FLRT2: variants seen among roughly 807,000 people sequenced by gnomAD.
FLRT2 encodes the protein fibronectin leucine rich transmembrane protein 2, also known as leucine-rich repeat transmembrane protein FLRT2.
Under a neutral mutation model 40.0 loss-of-function variants are expected in FLRT2, and 15 were observed. The observed-to-expected ratio is 0.38, with a 90% CI of 0.25 to 0.58. FLRT2 has a LOEUF of 0.58. FLRT2 is among the 20% of genes least tolerant of loss of function. The pLI is 0.71. For missense variants in FLRT2, 726 were observed against 840.0 expected, an observed-to-expected ratio of 0.86 and a Z score of 1.68; for synonymous variants, 380 against 336.8, an observed-to-expected ratio of 1.13 and a Z score of -1.41.
chr14:85,603,855 G>C (rs556016039), intron 1 of FLRT2, among the ~76,000 whole-genome samples: 18 of 152,288 alleles, frequency 1.2e-4, no homozygotes, highest in African/African-American at 4.1e-4. Flanking sequence ...GGGCGACAGA[G>C]CGAGACTCAA....
chr14:85,619,703 G>T (rs147451617), intron 1 of FLRT2, among the ~76,000 whole-genome samples: 2 of 152,184 alleles, frequency 1.3e-5, no homozygotes, highest in African/African-American at 4.8e-5. Flanking sequence ...CCATGTATTG[G>T]TGAGAATTAA....
chr14:85,641,165 TG>T lies in FLRT2; in HGVS notation c.*17669del, dbSNP rs1462337953. On this transcript the variant is annotated 3_prime_UTR_variant, in exon 2 of 2. Transcript: ENST00000330753. The stretch of plus-strand genomic sequence containing the variant: ...TAAAAACCTAACAGCCTCCAAAGAC[TG>T]AAGAAGAGAGCATGGTGTTTAATGC... The T allele has an allele frequency of 6.6e-6, 1 of 152,152 alleles. No homozygotes were observed. The highest frequency in any genetic ancestry group is 2.4e-5 in the African/African-American group (1 of 41,434). The allele number at this position is 152,152 out of a possible 1,614,324, so 9.4% of individuals were successfully genotyped here.
At position 85,643,857 on chromosome 14, in the gene FLRT2, C is replaced by T. The variant is rs1221060567; in HGVS notation, c.*20360C>T. On this transcript the variant is annotated 3_prime_UTR_variant, in exon 2 of 2. Transcript: ENST00000330753. ...CAAACGACAACATTTAGTCCAGTTG[C>T]AGCAGAGTGGTTGTGGTTTTTATTA... is the stretch of plus-strand genomic sequence containing the variant. The T allele has an allele frequency of 6.6e-6, 1 of 152,148 alleles. No individual in the cohort carries two copies. Among genetic ancestry groups the T allele is most frequent in the Non-Finnish European group, 1.5e-5 (1 of 68,040 alleles). The allele number at this position is 152,148 out of a possible 1,614,324, so 9.4% of individuals were successfully genotyped here. A position where few individuals can be genotyped will look rare whatever the true frequency, so the allele number is the denominator to read the frequency against.
At position 85,623,964 on chromosome 14, in the gene FLRT2, T is replaced by C. The variant is rs1340473687; in HGVS notation, c.*467T>C. The C allele has an allele frequency of 6.0e-6, 1 of 167,700 alleles. No homozygotes were observed. The highest frequency in any genetic ancestry group is 1.5e-5 in the Non-Finnish European group (1 of 68,554). 10.4% of individuals were successfully genotyped at this position (167,700 alleles called of 1,614,324 possible). On this transcript the variant is annotated 3_prime_UTR_variant, in exon 2 of 2. Coordinates refer to ENST00000330753, the MANE Select transcript of FLRT2 (RefSeq NM_013231.6). ...GCCCGATAGTTTCACACTATTCCTA[T>C]ACCTCCAGGTCCGGAAGACAGGTAA...
chr14:85,538,490 G>C (rs1477395094), intron 1 of FLRT2, among the ~76,000 whole-genome samples: 4 of 152,096 alleles, frequency 2.6e-5, no homozygotes, highest in Non-Finnish European at 2.9e-5. Context: ...TTACTTTTAA[G>C]GGAATGTGCA....
Position 85,649,306 on chromosome 14 carries a change from T to C in FLRT2, c.*25809T>C, listed in dbSNP as rs1894379415. ...TGATTTAATAGCTCATTGAAAGAAC[T>C]AGCCTGAAGCAGATAAAATATGTTG... On this transcript the variant is annotated 3_prime_UTR_variant, in exon 2 of 2. Transcript: ENST00000330753. 1 of 152,126 alleles carries C rather than the reference T, an allele frequency of 6.6e-6. No individual in the cohort carries two copies. The highest frequency in any genetic ancestry group is 2.4e-5 in the African/African-American group (1 of 41,456). The allele number at this position is 152,126 out of a possible 1,614,324, so 9.4% of individuals were successfully genotyped here. A position where few individuals can be genotyped will look rare whatever the true frequency, so the allele number is the denominator to read the frequency against.
intron 1 of FLRT2, among the ~76,000 whole-genome samples, chr14:85,535,897 T>G (rs190282527): frequency 0.18 from 11,321 of 63,744 alleles, 192 homozygotes; most frequent in Non-Finnish European, 0.21. Context: ...ATGCTGTTTT[T>G]TTTTTTTTTT....
At position 85,622,701 on chromosome 14, in the gene FLRT2, C is replaced by T. The variant is rs758103555; in HGVS notation, c.1187C>T (p.Thr396Met). 1.5e-5 allele frequency: 25 copies of T among 1,613,956 alleles called. No individual in the cohort carries two copies. The highest frequency in any genetic ancestry group is 2.2e-5 in the East Asian group (1 of 44,874). Residue 396 changes from threonine (T) to methionine (M), a missense_variant, in exon 2 of 2, where the codon ACG becomes ATG. By Grantham distance (81) the Thr-to-Met change is moderately conservative (BLOSUM62 -1). Transcript: ENST00000330753. ...ATTCCAAACCCTAGCAGAAGCTACA[C>T]GCCTCCAACTCCTACCACATCGAAA... Reference protein sequence around the residue: ...LSIPNPSRSYTPPTPTTSKLP... With the variant: ...LSIPNPSRSYMPPTPTTSKLP...
intron 1 of FLRT2, among the ~76,000 whole-genome samples, chr14:85,574,365 C>A (rs1356655111): frequency 2.0e-5 from 3 of 151,814 alleles, no homozygotes; most frequent in Admixed American, 6.6e-5. Context: ...GCATATGTCC[C>A]ACGCAATATT....
chr14:85,581,574 G>C (rs539412779), intron 1 of FLRT2, among the ~76,000 whole-genome samples: 1 of 152,098 alleles, frequency 6.6e-6, no homozygotes, highest in South Asian at 2.1e-4. Flanking sequence ...ATTAATGTTA[G>C]AAGTTGACTC....
chr14:85,612,902 G>A (rs1470864329), intron 1 of FLRT2, among the ~76,000 whole-genome samples: 1 of 152,166 alleles, frequency 6.6e-6, no homozygotes, highest in Admixed American at 6.5e-5. Flanking sequence ...CGACCGAAAT[G>A]TGTATTCCTC....
chr14:85,552,635 C>T (rs1227910880), intron 1 of FLRT2: 1 of 152,160 alleles, frequency 6.6e-6, no homozygotes, highest in Non-Finnish European at 1.5e-5. Flanking sequence ...GTCCCACAGG[C>T]CTCTTCAAAG....
chr14:85,554,949 G>A (rs1170325857), intron 1 of FLRT2, among the ~76,000 whole-genome samples: 1 of 152,160 alleles, frequency 6.6e-6, no homozygotes, highest in Non-Finnish European at 1.5e-5. Context: ...ATGCACTGAT[G>A]TGGATTAAAG....
rs1050689286 is a variant in FLRT2 at position 85,642,710 on chromosome 14, G to A, written c.*19213G>A. The A allele has an allele frequency of 6.6e-6, 1 of 152,146 alleles. No individual in the cohort carries two copies. Among genetic ancestry groups the A allele is most frequent in the South Asian group, 2.1e-4 (1 of 4,822 alleles). 9.4% of individuals were successfully genotyped at this position (152,146 alleles called of 1,614,324 possible). ...TGGGTACATATACTAGAGCCTGCAT[G>A]CAATGAGCTTACCCAACCAGCTCAG... On this transcript the variant is annotated 3_prime_UTR_variant, in exon 2 of 2. Transcript: ENST00000330753.
At chr14:85,587,126 C>T (rs552928635) in intron 1 of FLRT2, among the ~76,000 whole-genome samples, 6 of 152,118 alleles carry the variant, frequency 3.9e-5, no homozygotes, top group Admixed American at 3.9e-4. Context: ...TACCATCAAA[C>T]GAGGAAGCTT....
chr14:85,570,864 C>A (rs6574833), intron 1 of FLRT2, among the ~76,000 whole-genome samples: 79,039 of 151,626 alleles, frequency 0.52, 20,848 homozygotes, highest in African/African-American at 0.57. Flanking sequence ...GGATTACAGG[C>A]GTGAGCCACC....
Position 85,623,451 on chromosome 14 carries a change from G to A in FLRT2, c.1937G>A (p.Arg646Gln), listed in dbSNP as rs1893523696. The A allele has an allele frequency of 2.0e-6, 3 of 1,471,134 alleles. No individual in the cohort carries two copies. The highest frequency in any genetic ancestry group is 1.4e-5 in the African/African-American group (1 of 70,808). 91.1% of individuals were successfully genotyped at this position (1,471,134 alleles called of 1,614,324 possible). Reference protein sequence around the residue: ...YTDCHIPNNMRYCNSSVPDLE... With the variant: ...YTDCHIPNNMQYCNSSVPDLE... ...GACTGCCATATCCCCAACAACATGCGATACTGCAACAGCAGCGTGCCAGAC... is the reference window on the plus strand; with the variant it reads ...GACTGCCATATCCCCAACAACATGCAATACTGCAACAGCAGCGTGCCAGAC... Residue 646 changes from arginine to glutamine, a missense_variant, in exon 2 of 2, where the codon CGA (arginine) becomes CAA (glutamine). Transcript: ENST00000330753.
intron 1 of FLRT2, among the ~76,000 whole-genome samples, chr14:85,600,622 A>G (rs2139332726): frequency 6.6e-6 from 1 of 152,358 alleles, no homozygotes; most frequent in Non-Finnish European, 1.5e-5. Context: ...GAAAGAGACC[A>G]TTAGATTTTC....
chr14:85,620,339 AT>A (rs747444982), intron 1 of FLRT2, among the ~76,000 whole-genome samples: 3 of 152,250 alleles, frequency 2.0e-5, no homozygotes, highest in Non-Finnish European at 4.4e-5. Flanking sequence ...AATGATTCCA[AT>A]TTTGTTAAGT....
Sources: allele counts gnomAD v4.1 joint callset (sites outside exome capture counted in the v4.1 genomes callset), GRCh38; gene constraint gnomAD v4.1.1; transcripts MANE v1.5; gene names NCBI Gene and HGNC (gene_info 2026-07-23, HGNC 2026-07-21).